Variants in TSPAN9 observed in about 807,000 individuals in gnomAD.
TSPAN9 encodes the protein tetraspanin 9, also known as tetraspanin-9.
In TSPAN9, 16 loss-of-function variants were observed where a neutral mutation model predicts 31.0. The ratio of observed to expected loss-of-function variants is 0.52; its 90% confidence interval spans 0.35 to 0.78. The LOEUF (loss-of-function observed/expected upper bound fraction) is 0.78, where lower values mean the gene tolerates loss of function less well. Ranked by LOEUF, TSPAN9 falls within the 30% of genes least tolerant of loss-of-function variation. The pLI, the probability that TSPAN9 is intolerant of heterozygous loss-of-function variation, is 0.01. For missense variants in TSPAN9, 272 were observed against 312.5 expected, an observed-to-expected ratio of 0.87 and a Z score of 0.98; for synonymous variants, 145 against 121.6, an observed-to-expected ratio of 1.19 and a Z score of -1.27.
chr12:3,106,149 G>C (rs56152649), intron 2 of TSPAN9, among the ~76,000 whole-genome samples: 5,875 of 152,340 alleles, frequency 0.039, 392 homozygotes, highest in African/African-American at 0.13. Flanking sequence ...TGCGTGATTG[G>C]TTAGTTCGCC....
chr12:3,112,365 G>T (rs186105021), intron 2 of TSPAN9, among the ~76,000 whole-genome samples: 69 of 151,530 alleles, frequency 4.6e-4, no homozygotes, highest in African/African-American at 1.6e-3. Context: ...TAGTAGAGAC[G>T]GGGTTTCTCC....
At chr12:3,185,450 C>A (rs1157392803) in intron 2 of TSPAN9, among the ~76,000 whole-genome samples, 1 of 152,210 alleles carries the variant, frequency 6.6e-6, no homozygotes, top group Non-Finnish European at 1.5e-5. Context: ...GTGCCCAATG[C>A]AGCTCCTGAC....
chr12:3,201,135 A>G, intron 2 of TSPAN9, 42 bp from the exon 3 acceptor site: 1 of 1,540,488 alleles, frequency 6.5e-7, no homozygotes, highest in South Asian at 1.1e-5. Context: ...GGCAGCAAGT[A>G]CGTGGTGTTT....
chr12:3,080,571 C>G (rs6489431), intron 1 of TSPAN9, among the ~76,000 whole-genome samples: 62,635 of 151,892 alleles, frequency 0.41, 14,976 homozygotes, highest in African/African-American at 0.67. Context: ...CTCCTGACCT[C>G]ATGATCCACC....
chr12:3,094,160 C>T (rs997053571), intron 2 of TSPAN9, among the ~76,000 whole-genome samples: 2 of 152,156 alleles, frequency 1.3e-5, no homozygotes, highest in Admixed American at 6.5e-5. Flanking sequence ...GCCACCACGC[C>T]CAGCCCAGGA....
chr12:3,220,559 G>A (rs941486325), intron 3 of TSPAN9, among the ~76,000 whole-genome samples: 12 of 152,198 alleles, frequency 7.9e-5, no homozygotes, highest in Non-Finnish European at 1.8e-4. Context: ...TGCTGCACCC[G>A]GGCCATTGGC....
chr12:3,090,537 C>G (rs756684547), intron 2 of TSPAN9, among the ~76,000 whole-genome samples: 7 of 152,252 alleles, frequency 4.6e-5, no homozygotes, highest in African/African-American at 7.2e-5. Context: ...CAGGTGAAAA[C>G]AGTCTACAAG....
In TSPAN9 at chr12:3,230,483, C is replaced by T. The variant is rs546557906; in HGVS notation, c.63+29227C>T. Among the ~76,000 whole-genome samples the T allele has an allele frequency of 3.4e-4, 51 of 152,160 alleles. No homozygotes were observed. In the South Asian group the frequency reaches 6.0e-3, roughly 18 times the overall value. On this transcript the variant is annotated intron_variant, in intron 3 of 8. Coordinates refer to ENST00000011898, the MANE Select transcript of TSPAN9 (RefSeq NM_006675.5). ...GGTAGTGTTTTCTATTGTAGGGTGG[C>T]GCCCATAGGGACTTTTCTTTCATGT...
At chr12:3,199,696 A>C (rs1004217630) in intron 2 of TSPAN9, among the ~76,000 whole-genome samples, 1 of 151,932 alleles carries the variant, frequency 6.6e-6, no homozygotes, top group Non-Finnish European at 1.5e-5. Flanking sequence ...GCGCAGCTGC[A>C]GGAGCCTGGC....
At position 3,192,977 on chromosome 12, in the gene TSPAN9, G is replaced by A. The variant is rs1389121635; in HGVS notation, c.-17-8200G>A. 6.6e-6 allele frequency among the ~76,000 whole-genome samples: 1 copy of A among 152,184 alleles called. No homozygotes were observed. The highest frequency in any genetic ancestry group is 1.5e-5 in the Non-Finnish European group (1 of 68,030). The stretch of plus-strand genomic sequence containing the variant: ...CCTCCATCCATTGAACAGCTTCTGT[G>A]TTCCCTCGTAACCTTTATTCCTTAT... On this transcript the variant is annotated intron_variant, in intron 2 of 8. Coordinates refer to ENST00000011898, the MANE Select transcript of TSPAN9 (RefSeq NM_006675.5). The surrounding 1 kb of genome is among the most constrained non-coding windows in gnomAD (Gnocchi z 4.6).
At chr12:3,246,385 C>T (rs1310477386) in intron 3 of TSPAN9, among the ~76,000 whole-genome samples, 4 of 152,260 alleles carry the variant, frequency 2.6e-5, no homozygotes, top group Middle Eastern at 3.4e-3. Flanking sequence ...TTTCCCAGCT[C>T]CAGCTCCCCA....
rs1862827577 is a variant in TSPAN9, at chr12:3,278,282, C to T, written c.64-139C>T. 4.1e-6 allele frequency: 5 copies of T among 1,231,092 alleles called. No individual in the cohort carries two copies. The South Asian group carries it at 4.4e-5, about 11-fold the overall frequency. 76.3% of individuals were successfully genotyped at this position (1,231,092 alleles called of 1,614,324 possible). On this transcript the variant is annotated intron_variant, in intron 3 of 8. Coordinates refer to ENST00000011898, the MANE Select transcript of TSPAN9 (RefSeq NM_006675.5). ...GCCGACATGCTTCGGGTCTGCAGCCCAACGGTAGTCCCGTTCTCACCTTGT... is the reference window on the plus strand; with the variant it reads ...GCCGACATGCTTCGGGTCTGCAGCCTAACGGTAGTCCCGTTCTCACCTTGT...
chr12:3,187,359 G>A lies in TSPAN9; in HGVS notation c.-17-13818G>A, dbSNP rs972166826. Among the ~76,000 whole-genome samples, 1 of 152,170 alleles carries A rather than the reference G, an allele frequency of 6.6e-6. No individual in the cohort carries two copies. Among genetic ancestry groups the A allele is most frequent in the African/African-American group, 2.4e-5 (1 of 41,430 alleles). Reference sequence around the variant, plus strand: ...AAATGCATGAGTGTCCTCTCAGCCTGCTTCCTTCCTTCCTCTGCCTGCCTT... The same window carrying A: ...AAATGCATGAGTGTCCTCTCAGCCTACTTCCTTCCTTCCTCTGCCTGCCTT... On this transcript the variant is annotated intron_variant, in intron 2 of 8. Coordinates refer to ENST00000011898, the MANE Select transcript of TSPAN9 (RefSeq NM_006675.5). This position sits in a 1 kb window ranked among gnomAD's most constrained non-coding sequence, Gnocchi z 5.2.
rs568466095 is a variant in TSPAN9 at position 3,270,897 on chromosome 12, G to A, written c.64-7524G>A. On this transcript the variant is annotated intron_variant, in intron 3 of 8. Transcript: ENST00000011898. ...CAATTGGGGAAGGGTTACAAAGTTG[G>A]CTGGAGAGAATTGACAGTCTTGAAA... Among the ~76,000 whole-genome samples the A allele has an allele frequency of 3.9e-5, 6 of 152,358 alleles. No homozygotes were observed. The South Asian group carries it at 1.2e-3, about 32-fold the overall frequency.
intron 3 of TSPAN9, among the ~76,000 whole-genome samples, chr12:3,222,486 CT>C (rs2098385089): frequency 6.6e-6 from 1 of 152,244 alleles, no homozygotes; most frequent in South Asian, 2.1e-4. Flanking sequence ...TGGGCCACCC[CT>C]GGCACCCCAT....
At chr12:3,261,278 G>A (rs1490777005) in intron 3 of TSPAN9, among the ~76,000 whole-genome samples, 1 of 152,228 alleles carries the variant, frequency 6.6e-6, no homozygotes, top group African/African-American at 2.4e-5. Flanking sequence ...AGCTTTAGAA[G>A]TTTTGTCCTA....
chr12:3,144,334 C>T (rs189514196), intron 2 of TSPAN9, among the ~76,000 whole-genome samples: 127 of 152,220 alleles, frequency 8.3e-4, no homozygotes, highest in African/African-American at 2.9e-3. Context: ...CTCTTGACCT[C>T]AAGTGATCTG....
intron 3 of TSPAN9, among the ~76,000 whole-genome samples, chr12:3,260,964 C>T (rs1862438570): frequency 1.3e-5 from 2 of 152,160 alleles, no homozygotes. Flanking sequence ...TCAGCCATAT[C>T]CCTTGGGTTG....
intron 2 of TSPAN9, among the ~76,000 whole-genome samples, chr12:3,148,683 G>A (rs1439880927): frequency 6.6e-6 from 1 of 152,258 alleles, no homozygotes; most frequent in Non-Finnish European, 1.5e-5. Flanking sequence ...CAAGGTCAGA[G>A]TGGAGCCGAA....
Sources: allele counts gnomAD v4.1 joint callset (sites outside exome capture counted in the v4.1 genomes callset), GRCh38; gene constraint gnomAD v4.1.1; non-coding constraint Gnocchi (gnomAD v3.1); transcripts MANE v1.5; gene names NCBI Gene and HGNC (gene_info 2026-07-23, HGNC 2026-07-21).